Variants in GALNT2 observed in about 807,000 individuals in gnomAD.
The protein encoded by GALNT2 is UDP-GalNAc:polypeptide N-acetylgalactosaminyltransferase 2.
In GALNT2, 31 loss-of-function variants were observed where a neutral mutation model predicts 81.4. That is an observed-to-expected ratio of 0.38 (90% CI 0.29 to 0.51). The LOEUF (loss-of-function observed/expected upper bound fraction) is 0.51. Ranked by LOEUF, GALNT2 falls within the 20% of genes least tolerant of loss-of-function variation. GALNT2 has a pLI of 0.87. For missense variants in GALNT2, 629 were observed against 765.7 expected, an observed-to-expected ratio of 0.82 and a Z score of 2.11; for synonymous variants, 303 against 287.4, an observed-to-expected ratio of 1.05 and a Z score of -0.55.
At chr1:230,170,439 T>A (rs1159285753) in intron 1 of GALNT2, among the ~76,000 whole-genome samples, 1 of 152,220 alleles carries the variant, frequency 6.6e-6, no homozygotes, top group African/African-American at 2.4e-5. Flanking sequence ...CAATGGGGAT[T>A]TTTATTAAGA....
chr1:230,197,384 C>A (rs7526776), intron 2 of GALNT2, among the ~76,000 whole-genome samples: 59,851 of 151,918 alleles, frequency 0.39, 15,115 homozygotes, highest in East Asian at 0.85. Flanking sequence ...GCCCACAGGA[C>A]CCCCATAAAG....
intron 1 of GALNT2, among the ~76,000 whole-genome samples, chr1:230,111,406 G>A (rs1370630148): frequency 1.3e-5 from 2 of 152,220 alleles, no homozygotes; most frequent in Non-Finnish European, 2.9e-5. Flanking sequence ...TTGCATACAT[G>A]TACAAACACA....
chr1:230,228,622 A>G (rs1664784236), intron 3 of GALNT2, among the ~76,000 whole-genome samples: 1 of 152,124 alleles, frequency 6.6e-6, no homozygotes, highest in Non-Finnish European at 1.5e-5. Context: ...GAACTTGTCT[A>G]CATCCATTTC....
intron 1 of GALNT2, among the ~76,000 whole-genome samples, chr1:230,164,532 C>A (rs1377152044): frequency 6.6e-6 from 1 of 150,622 alleles, no homozygotes; most frequent in Non-Finnish European, 1.5e-5. Context: ...GGTCTCTGGG[C>A]CCTTTTTCTT....
intron 1 of GALNT2, among the ~76,000 whole-genome samples, chr1:230,087,930 G>C (rs549872863): frequency 1.3e-5 from 2 of 152,150 alleles, no homozygotes; most frequent in Admixed American, 1.3e-4. Context: ...TAAAAACGAT[G>C]AACAGCAGAT....
intron 1 of GALNT2, among the ~76,000 whole-genome samples, chr1:230,161,673 A>G (rs1420189128): frequency 1.3e-5 from 2 of 152,188 alleles, no homozygotes; most frequent in East Asian, 1.9e-4. Context: ...CTCTCTGACC[A>G]TTGTGCCTTT....
At chr1:230,229,120 AAATTAAAAC>A in intron 3 of GALNT2, among the ~76,000 whole-genome samples, 1 of 152,216 alleles carries the variant, frequency 6.6e-6, no homozygotes, top group Admixed American at 6.5e-5. Context: ...TGAAAACTCA[AAATTAAAAC>A]GTAGGTTTGA....
chr1:230,111,623 A>T (rs1187870058), intron 1 of GALNT2, among the ~76,000 whole-genome samples: 1 of 152,228 alleles, frequency 6.6e-6, no homozygotes, highest in Non-Finnish European at 1.5e-5. Context: ...CCCAGAGCCG[A>T]TACTTGAACA....
Position 230,257,906 on chromosome 1 carries a change from G to A in GALNT2, c.1136+2562G>A, listed in dbSNP as rs1360710645. ...GTGGGTGTGGGTGTGGGGATTGCTA[G>A]CTTATCTTTTGTCTAGTTTTTTTCT... is the stretch of plus-strand genomic sequence containing the variant. On this transcript the variant is annotated intron_variant, in intron 11 of 15. Transcript: ENST00000366672. The surrounding 1 kb of genome is among the most constrained non-coding windows in gnomAD (Gnocchi z 4.6). Among the ~76,000 whole-genome samples, 2 of 152,090 alleles carry A rather than the reference G, an allele frequency of 1.3e-5. No individual in the cohort carries two copies. The highest frequency in any genetic ancestry group is 2.9e-5 in the Non-Finnish European group (2 of 68,006).
chr1:230,202,042 T>A (rs1663909433), intron 2 of GALNT2, among the ~76,000 whole-genome samples: 1 of 152,184 alleles, frequency 6.6e-6, no homozygotes, highest in Non-Finnish European at 1.5e-5. Context: ...ATCTATGAAG[T>A]GGAACATTGT....
intron 1 of GALNT2, among the ~76,000 whole-genome samples, chr1:230,171,067 G>GT (rs977324872): frequency 1.3e-5 from 2 of 152,182 alleles, no homozygotes; most frequent in African/African-American, 2.4e-5. Context: ...TGGAAAGTAA[G>GT]TTTTTTTGCC....
chr1:230,182,652 G>A (rs1572058457), intron 2 of GALNT2, among the ~76,000 whole-genome samples: 3 of 152,312 alleles, frequency 2.0e-5, no homozygotes, highest in South Asian at 4.1e-4. Flanking sequence ...GGCCCAGAAT[G>A]TGGCCTCTTT....
At chr1:230,234,584 C>T (rs1389969109) in intron 3 of GALNT2, among the ~76,000 whole-genome samples, 2 of 152,218 alleles carry the variant, frequency 1.3e-5, no homozygotes, top group African/African-American at 4.8e-5. Context: ...GACCACGGGG[C>T]ATCAACATCA....
intron 1 of GALNT2, among the ~76,000 whole-genome samples, chr1:230,118,689 G>A (rs1036261097): frequency 2.0e-5 from 3 of 151,694 alleles, no homozygotes; most frequent in Admixed American, 6.6e-5. Context: ...ACTGGCTGTC[G>A]GTTCTTCCCC....
intron 1 of GALNT2, among the ~76,000 whole-genome samples, chr1:230,134,620 G>A (rs1038039172): frequency 9.2e-5 from 14 of 152,180 alleles, no homozygotes; most frequent in African/African-American, 3.4e-4. Context: ...GAGAGGAGCA[G>A]CTTTTTTTAA....
intron 1 of GALNT2, chr1:230,092,057 A>G (rs1660100483): frequency 6.6e-6 from 1 of 152,130 alleles, no homozygotes; most frequent in Non-Finnish European, 1.5e-5. Context: ...CTGCGTTCTA[A>G]TTGGATCCTG....
At chr1:230,080,242 G>T (rs922123180) in intron 1 of GALNT2, among the ~76,000 whole-genome samples, 5 of 152,120 alleles carry the variant, frequency 3.3e-5, no homozygotes, top group African/African-American at 1.2e-4. Flanking sequence ...TGCCATAGTT[G>T]TTTGGAAGCG....
intron 2 of GALNT2, among the ~76,000 whole-genome samples, chr1:230,191,583 C>T (rs1267664974): frequency 6.6e-6 from 1 of 152,218 alleles, no homozygotes; most frequent in Non-Finnish European, 1.5e-5. Flanking sequence ...GCAATCATAG[C>T]TCACTGCAGC....
chr1:230,066,493 T>C (rs1034193475), upstream of GALNT2, among the ~76,000 whole-genome samples: 1 of 152,174 alleles, frequency 6.6e-6, no homozygotes, highest in African/African-American at 2.4e-5. Context: ...CTTTTGAAAA[T>C]TACCTTCTCA....
Sources: gnomAD v4.1 joint callset for allele counts (sites outside exome capture counted in the v4.1 genomes callset) on GRCh38, gnomAD v4.1.1 for gene constraint, Gnocchi (gnomAD v3.1) non-coding constraint, MANE v1.5 for transcripts, NCBI Gene and HGNC (gene_info 2026-07-23, HGNC 2026-07-21) for gene names.